EXO1: variants seen among roughly 807,000 people sequenced by gnomAD.
The protein encoded by EXO1 is exonuclease 1.
A neutral mutation model predicts 84.5 loss-of-function variants in EXO1; 69 were observed. That is an observed-to-expected ratio of 0.82 (90% CI 0.67 to 1.00). The LOEUF is 1.00. EXO1 is among the 50% of genes least tolerant of loss of function. The pLI, the probability that EXO1 is intolerant of heterozygous loss-of-function variation, is 0.00. For synonymous variants in EXO1, 373 were observed against 366.1 expected, an observed-to-expected ratio of 1.02 and a Z score of -0.21; for missense variants, 1,045 against 1,000.7, an observed-to-expected ratio of 1.04 and a Z score of -0.60.
chr1:241,856,245 C>CTCTTTTTT (rs1335130230), intron 6 of EXO1, among the ~76,000 whole-genome samples: 6 of 145,794 alleles, frequency 4.1e-5, no homozygotes, highest in Non-Finnish European at 9.0e-5. Flanking sequence ...TACCTCTTTC[C>CTCTTTTTT]TCTTTTTTTC....
intron 12 of EXO1, among the ~76,000 whole-genome samples, chr1:241,878,383 C>G (rs1020696674): frequency 4.6e-5 from 7 of 151,810 alleles, no homozygotes; most frequent in South Asian, 2.1e-4. Context: ...TGTAATCCCA[C>G]CTACTCAGGA....
rs757677420 is a variant in EXO1, at chr1:241,889,544, G to T, written c.2485G>T (p.Glu829Ter). 4.2e-5 allele frequency: 67 copies of T among 1,613,870 alleles called. No homozygotes were observed. In the Middle Eastern group the frequency reaches 4.9e-4, roughly 12 times the overall value. Residue 829 changes from glutamate to a stop codon, truncating the protein, a stop_gained, in exon 16 of 16, where the codon GAG (glutamate) becomes TAG (stop). Transcript: ENST00000366548. LOFTEE classifies it high-confidence loss of function. Reference sequence around the variant, plus strand: ...CATCCAACTAACTCCAGAAGCGGAAGAGGATATATTTAACAAACCTGAATG... The same window carrying T: ...CATCCAACTAACTCCAGAAGCGGAATAGGATATATTTAACAAACCTGAATG... ...DNIQLTPEAE[E>*]DIFNKPECGR...
At position 241,857,350 on chromosome 1, in the gene EXO1, C is replaced by T. The variant is rs142450308; in HGVS notation, c.411C>T (p.Ala137=). ...HAMAHKVIKA[A]RSQGVDCLVA... is the part of the protein sequence containing the mutation. ...ACTGTGATTCTCTCTTCTAGGCTGC[C>T]CGGTCTCAGGGGGTAGATTGCCTCG... Residue 137 remains alanine (A), a synonymous_variant, in exon 7 of 16, where the codon GCC becomes GCT. Transcript: ENST00000366548. The T allele has an allele frequency of 2.8e-4, 454 of 1,613,388 alleles. 1 individual carries two copies. The East Asian group carries it at 8.8e-3, about 31-fold the overall frequency.
At chr1:241,874,914 G>C (rs1174868050) in intron 12 of EXO1, among the ~76,000 whole-genome samples, 2 of 152,212 alleles carry the variant, frequency 1.3e-5, no homozygotes, top group Non-Finnish European at 2.9e-5. Context: ...GCATGATAGA[G>C]TAACACTAAG....
intron 12 of EXO1, among the ~76,000 whole-genome samples, chr1:241,873,485 C>A (rs1299400558): frequency 6.6e-6 from 1 of 151,996 alleles, no homozygotes; most frequent in African/African-American, 2.4e-5. Flanking sequence ...TGGGGAGTTC[C>A]CTTCCCCCTC....
intron 4 of EXO1, 96 bp downstream of exon 4, chr1:241,850,682 C>A: frequency 1.0e-6 from 1 of 983,714 alleles, no homozygotes; most frequent in Non-Finnish European, 1.6e-6. Flanking sequence ...TCACTCAATG[C>A]CAGAACTTAT....
chr1:241,876,364 C>T (rs1662402084), intron 12 of EXO1, among the ~76,000 whole-genome samples: 1 of 151,984 alleles, frequency 6.6e-6, no homozygotes, highest in South Asian at 2.1e-4. Flanking sequence ...GGTGGATCAC[C>T]TGAGGTCAGG....
intron 8 of EXO1, 21 bp downstream of exon 8, chr1:241,858,739 G>A: frequency 6.9e-7 from 1 of 1,448,978 alleles, no homozygotes; most frequent in South Asian, 1.1e-5. Context: ...TTTGCTAAGT[G>A]TCATATTCAA....
intron 14 of EXO1, among the ~76,000 whole-genome samples, 160 bp downstream of exon 14, chr1:241,882,177 G>A (rs1299867015): frequency 1.3e-5 from 2 of 152,088 alleles, no homozygotes; most frequent in Non-Finnish European, 2.9e-5. Flanking sequence ...AGGTGTTTAA[G>A]TTGTGAAACT....
rs1474650502 is a variant in EXO1, at chr1:241,878,943, G to A, written c.1709G>A (p.Gly570Asp). The A allele has an allele frequency of 6.2e-7, 1 of 1,614,168 alleles. No homozygotes were observed. The highest frequency in any genetic ancestry group is 8.5e-7 in the Non-Finnish European group (1 of 1,180,018). The change falls in exon 13 of 16, where the codon GGT becomes GAT. Residue 570 changes from glycine to aspartate, a missense_variant. Gly to Asp is a moderately conservative substitution (Grantham distance 94, BLOSUM62 -1). Transcript: ENST00000366548. ...SDDIPNNHIP[G>D]DHIPDKATVF... ...GACATTCCGAATAATCATATTCCAG[G>A]TGATCATATTCCAGACAAGGCAACA...
intron 6 of EXO1, among the ~76,000 whole-genome samples, chr1:241,854,004 C>T (rs1321613930): frequency 2.0e-5 from 3 of 152,206 alleles, no homozygotes; most frequent in South Asian, 2.1e-4. Flanking sequence ...CTACAGACTT[C>T]TGTTCCCTTT....
At position 241,879,242 on chromosome 1, in the gene EXO1, G is replaced by A; in HGVS notation, c.2008G>A (p.Glu670Lys). 1 of 1,599,254 alleles carries A rather than the reference G, an allele frequency of 6.3e-7. No homozygotes were observed. Among genetic ancestry groups the A allele is most frequent in the Non-Finnish European group, 8.5e-7 (1 of 1,173,032 alleles). Residue 670 changes from glutamate (E) to lysine (K), a missense_variant, in exon 13 of 16, where the codon GAG becomes AAG. Physicochemically the swap from Glu to Lys is moderately conservative, Grantham distance 56. Transcript: ENST00000366548. The part of the protein sequence containing the change: ...SDDESHPLRE[E>K]ACSSQSQESG... ...CGATGAGTCTCATCCCTTACGAGAAGAGGCATGTTCTTCACAGTCCCAGGA... is the reference window on the plus strand; with the variant it reads ...CGATGAGTCTCATCCCTTACGAGAAAAGGCATGTTCTTCACAGTCCCAGGA...
In EXO1 at chr1:241,866,992, G is replaced by A; in HGVS notation, c.1204G>A (p.Val402Met). 1 of 1,614,072 alleles carries A rather than the reference G, an allele frequency of 6.2e-7. No homozygotes were observed. The highest frequency in any genetic ancestry group is 8.5e-7 in the Non-Finnish European group (1 of 1,179,944). ...ENPSTVGVER[V>M]ISTKGLNLPR... Reference sequence around the variant, plus strand: ...TCCAAGTACTGTGGGAGTGGAACGAGTGATTAGTACTAAAGGGTTAAATCT... The same window carrying A: ...TCCAAGTACTGTGGGAGTGGAACGAATGATTAGTACTAAAGGGTTAAATCT... Residue 402 changes from valine to methionine, a missense_variant, in exon 11 of 16, where the codon GTG (valine) becomes ATG (methionine). By Grantham distance (21) the Val-to-Met change is conservative. Transcript: ENST00000366548.
intron 9 of EXO1, 73 bp from the exon 10 acceptor site, chr1:241,861,332 AT>A: frequency 1.2e-6 from 1 of 817,978 alleles, no homozygotes; most frequent in Admixed American, 1.8e-5. Flanking sequence ...AATAGAAAAC[AT>A]TTTTCCATCT....
At chr1:241,870,872 A>G (rs1371711560) in intron 11 of EXO1, among the ~76,000 whole-genome samples, 1 of 152,226 alleles carries the variant, frequency 6.6e-6, no homozygotes, top group East Asian at 1.9e-4. Flanking sequence ...AATCTGGAGT[A>G]TATGAGACAG....
At chr1:241,869,327 T>C (rs1661937907) in intron 11 of EXO1, among the ~76,000 whole-genome samples, 1 of 152,204 alleles carries the variant, frequency 6.6e-6, no homozygotes, top group African/African-American at 2.4e-5. Context: ...CTAGAATCTG[T>C]AGTACAATAT....
Position 241,848,831 on chromosome 1 carries a change from C to G in EXO1, c.-319C>G, listed in dbSNP as rs916080605. The G allele has an allele frequency of 1.6e-4, 25 of 152,126 alleles. No homozygotes were observed. Among genetic ancestry groups the G allele is most frequent in the African/African-American group, 5.8e-4 (24 of 41,402 alleles). 9.4% of individuals were successfully genotyped at this position (152,126 alleles called of 1,614,324 possible). A position where few individuals can be genotyped will look rare whatever the true frequency, so the allele number is the denominator to read the frequency against. ...GAAGATGGTGCTGTTATTGTTACCTCGAGTGCCACATGCGACCTCTGAGAT... is the reference window on the plus strand; with the variant it reads ...GAAGATGGTGCTGTTATTGTTACCTGGAGTGCCACATGCGACCTCTGAGAT... On this transcript the variant is annotated 5_prime_UTR_variant, in exon 2 of 16. Transcript: ENST00000366548. The surrounding 1 kb of genome is among the most constrained non-coding windows in gnomAD (Gnocchi z 4.2).
At chr1:241,851,525 T>C (rs988723312) in intron 4 of EXO1, among the ~76,000 whole-genome samples, 4 of 151,866 alleles carry the variant, frequency 2.6e-5, no homozygotes, top group African/African-American at 9.6e-5. Flanking sequence ...AATGTCCTTT[T>C]CTTTATAAAA....
chr1:241,867,633 G>A (rs772861163), intron 11 of EXO1, among the ~76,000 whole-genome samples: 4 of 150,630 alleles, frequency 2.7e-5, no homozygotes, highest in Non-Finnish European at 4.4e-5. Flanking sequence ...TTTTAATCTT[G>A]TATATATGGC....
Sources: allele counts gnomAD v4.1 joint callset (sites outside exome capture counted in the v4.1 genomes callset), GRCh38; gene constraint gnomAD v4.1.1; non-coding constraint Gnocchi (gnomAD v3.1); transcripts MANE v1.5; gene names NCBI Gene and HGNC (gene_info 2026-07-23, HGNC 2026-07-21).